The following ACACB variants were observed in gnomAD, a reference collection of about 807,000 sequenced individuals.
ACACB encodes acetyl-CoA carboxylase beta.
In ACACB, 209 loss-of-function variants were observed where a neutral mutation model predicts 278.8. The ratio of observed to expected loss-of-function variants is 0.75; its 90% CI spans 0.67 to 0.84. The LOEUF is 0.84. Among genes scored for constraint, ACACB ranks in the 40% least tolerant of loss-of-function variants. The pLI is 0.00. For synonymous variants in ACACB, 1,174 were observed against 1,285.6 expected, an observed-to-expected ratio of 0.91 and a Z score of 1.86; for missense variants, 2,850 against 3,269.0, an observed-to-expected ratio of 0.87 and a Z score of 3.13.
chr12:109,230,954 T>C (rs1205363909), intron 28 of ACACB, among the ~76,000 whole-genome samples: 1 of 152,078 alleles, frequency 6.6e-6, no homozygotes, highest in African/African-American at 2.4e-5. Context: ...GTGCCAGAAA[T>C]GTACTCTGGG....
At chr12:109,224,492 T>C (rs986378138) in intron 27 of ACACB, among the ~76,000 whole-genome samples, 3 of 151,472 alleles carry the variant, frequency 2.0e-5, no homozygotes, top group African/African-American at 7.3e-5. Context: ...CCAAGAAGTG[T>C]TGTGTTGGTT....
chr12:109,250,168 C>T, intron 41 of ACACB, 64 bp downstream of exon 41: 1 of 1,472,350 alleles, frequency 6.8e-7, no homozygotes, highest in Non-Finnish European at 9.0e-7. Flanking sequence ...AAAATTGTCA[C>T]AAAATTAGAG....
chr12:109,180,754 C>T (rs1351346892), intron 11 of ACACB, among the ~76,000 whole-genome samples: 1 of 152,048 alleles, frequency 6.6e-6, no homozygotes, highest in Non-Finnish European at 1.5e-5. Context: ...GTAATAATCA[C>T]ATCAGGGTAA....
chr12:109,165,063 A>G (rs945389050), intron 2 of ACACB, among the ~76,000 whole-genome samples: 1 of 152,194 alleles, frequency 6.6e-6, no homozygotes, highest in African/African-American at 2.4e-5. Context: ...AATTGAGGGC[A>G]TCATTGTCAT....
intron 2 of ACACB, among the ~76,000 whole-genome samples, chr12:109,147,391 C>CTTT (rs34959945): frequency 1.5e-4 from 17 of 116,196 alleles, no homozygotes; most frequent in Non-Finnish European, 2.0e-4. Context: ...TGTCTGGCTA[C>CTTT]TTTTTTTTTT....
chr12:109,131,812 G>A (rs2042834654), intron 1 of ACACB, among the ~76,000 whole-genome samples: 2 of 152,136 alleles, frequency 1.3e-5, no homozygotes, highest in Admixed American at 6.5e-5. Flanking sequence ...TCATGATAGC[G>A]TCCACAGAGG....
intron 33 of ACACB, among the ~76,000 whole-genome samples, chr12:109,236,604 C>A (rs937465398): frequency 1.3e-5 from 2 of 152,164 alleles, no homozygotes; most frequent in Non-Finnish European, 2.9e-5. Flanking sequence ...TTTAAGAAAA[C>A]GTTTACCGAT....
chr12:109,237,083 GGGTGT>G (rs1353859281), intron 33 of ACACB, 77 bp from the exon 34 acceptor site: 24 of 1,395,636 alleles, frequency 1.7e-5, no homozygotes, highest in Non-Finnish European at 2.3e-5. Flanking sequence ...CTGCAGAGTA[GGGTGT>G]GGACCAAGCA....
intron 46 of ACACB, 61 bp downstream of exon 46, chr12:109,258,425 T>C: frequency 7.1e-7 from 1 of 1,416,316 alleles, no homozygotes; most frequent in Middle Eastern, 2.5e-4. Flanking sequence ...GAGTGGGTCC[T>C]GGGCGTGGGG....
intron 3 of ACACB, among the ~76,000 whole-genome samples, chr12:109,167,434 C>T (rs1298708601): frequency 2.0e-5 from 3 of 150,402 alleles, no homozygotes; most frequent in Non-Finnish European, 4.4e-5. Context: ...CCTGTCTCTG[C>T]AAAAAAATTA....
rs553023607 is a variant in ACACB at position 109,241,277 on chromosome 12, G to T, written c.5018G>T (p.Gly1673Val). 8 of 1,614,134 alleles carry T rather than the reference G, an allele frequency of 5.0e-6. No individual in the cohort carries two copies. In the African/African-American group the frequency reaches 9.3e-5, roughly 19 times the overall value. Residue 1673 changes from glycine to valine, a missense_variant, in exon 36 of 53, where the codon GGA becomes GTA. Transcript: ENST00000338432. ...AAAGAAGTGACTGACTCCAGATCTG[G>T]AAATGTAAGGCTGGCCCGCGCCGTG... Reference protein sequence around the residue: ...LYKEVTDSRSGNIMFHSFGNK... With the variant: ...LYKEVTDSRSVNIMFHSFGNK...
chr12:109,234,066 G>A (rs2136615873), intron 31 of ACACB, 21 bp downstream of exon 31: 4 of 1,570,498 alleles, frequency 2.5e-6, no homozygotes, highest in Middle Eastern at 1.8e-4. Context: ...CGTGCCTCTG[G>A]TTTTGGTGGG....
At chr12:109,189,187 C>T (rs940931491) in intron 13 of ACACB, among the ~76,000 whole-genome samples, 21 of 152,078 alleles carry the variant, frequency 1.4e-4, no homozygotes, top group Admixed American at 5.9e-4. Flanking sequence ...AACTGCCCTT[C>T]GGAGTGAAAA....
intron 13 of ACACB, among the ~76,000 whole-genome samples, chr12:109,189,870 G>A (rs11065789): frequency 0.1 from 15,231 of 152,126 alleles, 906 homozygotes; most frequent in Non-Finnish European, 0.13. Flanking sequence ...CAGCACTTTG[G>A]GAGGCCAAGG....
At chr12:109,207,771 C>T (rs2045564717) in intron 20 of ACACB, among the ~76,000 whole-genome samples, 1 of 152,184 alleles carries the variant, frequency 6.6e-6, no homozygotes, top group Non-Finnish European at 1.5e-5. Flanking sequence ...CTCTGCCTCC[C>T]AGGTTCAAGC....
In ACACB at chr12:109,139,550, C is replaced by G; in HGVS notation, c.145C>G (p.Pro49Ala). The G allele has an allele frequency of 6.2e-7, 1 of 1,614,108 alleles. No homozygotes were observed. The highest frequency in any genetic ancestry group is 8.5e-7 in the Non-Finnish European group (1 of 1,180,012). ...ANLIPSQEPF[P>A]ASDNSGETPQ... is the part of the protein sequence containing the mutation. ...CCTCATCCCGAGCCAGGAGCCCTTT[C>G]CAGCCTCTGATAACTCAGGGGAGAC... Residue 49 changes from proline to alanine, a missense_variant, in exon 2 of 53, where the codon CCA becomes GCA. By Grantham distance (27) the Pro-to-Ala change is conservative. This residue lies in a region of ACACB where 2,265 missense variants were observed against 2,561.3 expected (regional missense o/e 0.88). Transcript: ENST00000338432.
intron 31 of ACACB, 80 bp from the exon 32 acceptor site, chr12:109,235,233 C>A: frequency 2.6e-6 from 3 of 1,175,548 alleles, no homozygotes; most frequent in Non-Finnish European, 2.6e-6. Context: ...ACAGGTTCAT[C>A]CGTGTGGTAA....
chr12:109,193,342 C>T (rs978900699), intron 15 of ACACB, among the ~76,000 whole-genome samples: 5 of 151,908 alleles, frequency 3.3e-5, no homozygotes, highest in African/African-American at 7.3e-5. Flanking sequence ...CTCAGCCTCC[C>T]GAGTAGCTGG....
chr12:109,199,254 T>C, intron 17 of ACACB, 148 bp from the exon 18 acceptor site: 1 of 554,072 alleles, frequency 1.8e-6, no homozygotes, highest in Non-Finnish European at 2.8e-6. Flanking sequence ...TCTCAGTGTC[T>C]CTGAGATAAC....
Sources: gnomAD v4.1 joint callset for allele counts (sites outside exome capture counted in the v4.1 genomes callset) on GRCh38, gnomAD v4.1.1 for gene constraint, gnomAD v4.1.1 regional missense constraint, MANE v1.5 for transcripts, NCBI Gene and HGNC (gene_info 2026-07-23, HGNC 2026-07-21) for gene names.